MGAT4C: variants seen among roughly 807,000 people sequenced by gnomAD.
The protein encoded by MGAT4C is alpha-1,3-mannosyl-glycoprotein 4-beta-N-acetylglucosaminyltransferase C.
In MGAT4C, 19 loss-of-function variants were observed where a neutral mutation model predicts 40.1. The ratio of observed to expected loss-of-function variants is 0.47; its 90% CI spans 0.33 to 0.70. MGAT4C has a LOEUF of 0.70. Ranked by LOEUF, MGAT4C falls within the 30% of genes least tolerant of loss-of-function variation. The probability of loss-of-function intolerance (pLI) is 0.02; values close to 1 mark genes in which losing one functional copy is unlikely to be tolerated. For missense variants in MGAT4C, 491 were observed against 563.2 expected (o/e 0.87, Z 1.30); for synonymous variants, 181 against 187.1 (o/e 0.97, Z 0.27).
chr12:86,015,253 A>G (rs776382740), intron 2 of MGAT4C, among the ~76,000 whole-genome samples: 10 of 151,060 alleles, frequency 6.6e-5, no homozygotes, highest in South Asian at 4.2e-4. Context: ...TTTTGCACCA[A>G]TGTGTGTGTG....
intron 1 of MGAT4C, among the ~76,000 whole-genome samples, chr12:86,836,127 T>G (rs1252535649): frequency 6.6e-6 from 1 of 152,068 alleles, no homozygotes; most frequent in Non-Finnish European, 1.5e-5. Context: ...TTAACGGATT[T>G]AAACTTAGTT....
chr12:86,151,409 A>C (rs917721439), intron 1 of MGAT4C, among the ~76,000 whole-genome samples: 2 of 152,096 alleles, frequency 1.3e-5, no homozygotes, highest in Non-Finnish European at 1.5e-5. Flanking sequence ...TCAGGAGATC[A>C]AGACCATCCT....
chr12:86,194,569 C>G (rs1487056019), intron 1 of MGAT4C, among the ~76,000 whole-genome samples: 5 of 151,652 alleles, frequency 3.3e-5, no homozygotes, highest in Admixed American at 3.3e-4. Flanking sequence ...ATTCTCCTGT[C>G]TCAGCCTCCC....
At chr12:86,055,037 G>T (rs564714222) in intron 1 of MGAT4C, among the ~76,000 whole-genome samples, 1 of 152,022 alleles carries the variant, frequency 6.6e-6, no homozygotes, top group South Asian at 2.1e-4. Context: ...TAGAACATAA[G>T]ACCCTTTCTA....
chr12:86,274,096 C>T (rs1461614985), intron 4 of MGAT4C, among the ~76,000 whole-genome samples: 2 of 152,100 alleles, frequency 1.3e-5, no homozygotes, highest in African/African-American at 4.8e-5. Context: ...TTGTCTTACA[C>T]AGCAGGAGAA....
intron 1 of MGAT4C, among the ~76,000 whole-genome samples, chr12:86,057,380 T>C (rs1466299053): frequency 6.6e-6 from 1 of 152,178 alleles, no homozygotes; most frequent in Non-Finnish European, 1.5e-5. Flanking sequence ...TCCCTCTTTT[T>C]TCTGATCCCT....
At chr12:86,343,316 T>G (rs1396429089) in intron 3 of MGAT4C, among the ~76,000 whole-genome samples, 1 of 152,204 alleles carries the variant, frequency 6.6e-6, no homozygotes, top group Non-Finnish European at 1.5e-5. Context: ...GAAATGTAGA[T>G]GTTTTGATCA....
intron 2 of MGAT4C, among the ~76,000 whole-genome samples, chr12:86,493,831 C>G (rs1234033023): frequency 1.3e-5 from 2 of 151,476 alleles, no homozygotes; most frequent in Admixed American, 6.6e-5. Context: ...AATAAATTAT[C>G]CTGCATCAAT....
chr12:86,422,920 C>G (rs1419209054), intron 3 of MGAT4C, among the ~76,000 whole-genome samples: 1 of 152,124 alleles, frequency 6.6e-6, no homozygotes, highest in Non-Finnish European at 1.5e-5. Flanking sequence ...TAATCTTTCC[C>G]ACCAGTGTCA....
At chr12:86,724,577 C>T (rs1418478668) in intron 2 of MGAT4C, among the ~76,000 whole-genome samples, 4 of 152,096 alleles carry the variant, frequency 2.6e-5, no homozygotes, top group Non-Finnish European at 5.9e-5. Flanking sequence ...ACTACCTGAG[C>T]TTCTACATAA....
chr12:86,717,652 T>C (rs1804159023), intron 2 of MGAT4C, among the ~76,000 whole-genome samples: 1 of 152,104 alleles, frequency 6.6e-6, no homozygotes, highest in South Asian at 2.1e-4. Flanking sequence ...TTGTTTTTAT[T>C]CAAACAATGG....
At chr12:86,742,671 G>C (rs1254244048) in intron 1 of MGAT4C, among the ~76,000 whole-genome samples, 2 of 151,396 alleles carry the variant, frequency 1.3e-5, no homozygotes, top group African/African-American at 4.8e-5. Flanking sequence ...AGTTTCTGGA[G>C]GTTTGTTATG....
intron 2 of MGAT4C, among the ~76,000 whole-genome samples, chr12:86,529,885 G>A (rs758691411): frequency 6.6e-6 from 1 of 151,870 alleles, no homozygotes; most frequent in African/African-American, 2.4e-5. Flanking sequence ...AAATGGCATA[G>A]TATTTGTATA....
intron 2 of MGAT4C, among the ~76,000 whole-genome samples, chr12:86,461,338 C>T (rs1489361234): frequency 6.6e-6 from 1 of 151,232 alleles, no homozygotes; most frequent in Non-Finnish European, 1.5e-5. Flanking sequence ...CTCCGCTTCC[C>T]GGGTTCACGC....
intron 1 of MGAT4C, among the ~76,000 whole-genome samples, chr12:86,787,698 T>C (rs539527898): frequency 2.6e-5 from 4 of 152,242 alleles, no homozygotes; most frequent in Admixed American, 6.5e-5. Flanking sequence ...GCAACCTCTT[T>C]GGGAAGGAGT....
At chr12:86,109,823 A>T (rs1265777475) in intron 1 of MGAT4C, among the ~76,000 whole-genome samples, 1 of 151,990 alleles carries the variant, frequency 6.6e-6, no homozygotes, top group Non-Finnish European at 1.5e-5. Context: ...TATGTAAAAA[A>T]AGTGACCACA....
chr12:86,823,901 T>A (rs1464786584), intron 1 of MGAT4C, among the ~76,000 whole-genome samples: 1 of 151,450 alleles, frequency 6.6e-6, no homozygotes, highest in East Asian at 1.9e-4. Flanking sequence ...ACAAAACTAA[T>A]AGGTTTAAAA....
intron 4 of MGAT4C, among the ~76,000 whole-genome samples, chr12:86,304,186 C>T (rs895920276): frequency 1.3e-5 from 2 of 150,546 alleles, no homozygotes; most frequent in South Asian, 4.2e-4. Flanking sequence ...ATATCAGTGT[C>T]AAAAAATAAA....
rs180765769 is a variant in MGAT4C, at chr12:86,547,635, T to C, written c.-228-112370A>G. On this transcript the variant is annotated intron_variant, in intron 2 of 7. Coordinates refer to the MGAT4C transcript ENST00000548651. ...AAATTAAATAAATATTTGGTAAATT[T>C]TGTTTATTACTTGGAAGAAAAAGAA... Among the ~76,000 whole-genome samples the C allele has an allele frequency of 2.6e-5, 4 of 152,210 alleles. No individual in the cohort carries two copies. The East Asian group carries it at 7.7e-4, about 29-fold the overall frequency.
Sources: allele counts gnomAD v4.1 joint callset (sites outside exome capture counted in the v4.1 genomes callset), GRCh38; gene constraint gnomAD v4.1.1; transcripts MANE v1.5; gene names NCBI Gene and HGNC (gene_info 2026-07-23, HGNC 2026-07-21).